WDFY4: variants seen among roughly 807,000 people sequenced by gnomAD.
WDFY4 encodes WD repeat- and FYVE domain-containing protein 4.
WDFY4 carries 169 observed loss-of-function variants against 351.9 expected under a neutral mutation model. That is an observed-to-expected ratio of 0.48 (90% CI 0.42 to 0.55). WDFY4 has a LOEUF of 0.55. Among genes scored for constraint, WDFY4 ranks in the 20% least tolerant of loss-of-function variants. WDFY4 has a pLI of 0.00. For synonymous variants in WDFY4, 1,622 were observed against 1,574.6 expected, an observed-to-expected ratio of 1.03 and a Z score of -0.71; for missense variants, 3,803 against 3,935.6, an observed-to-expected ratio of 0.97 and a Z score of 0.90.
intron 12 of WDFY4, among the ~76,000 whole-genome samples, chr10:48,757,581 G>A (rs545118413): frequency 6.6e-6 from 1 of 151,756 alleles, no homozygotes; most frequent in Admixed American, 6.6e-5. Flanking sequence ...AGTTTTTAAT[G>A]TGTTTGAATT....
rs140573476 is a variant in WDFY4 at position 48,860,621 on chromosome 10, G to C, written c.6664-6644G>C. Among the ~76,000 whole-genome samples, 710 of 152,244 alleles carry C rather than the reference G, an allele frequency of 4.7e-3. 4 individuals are homozygous for C. The highest frequency in any genetic ancestry group is 0.016 in the African/African-American group (671 of 41,528). Reference sequence around the variant, plus strand: ...GAATTTGGGGGAACACAAACATTCAGTTTATAATATAATTTTACTCTTTTG... The same window carrying C: ...GAATTTGGGGGAACACAAACATTCACTTTATAATATAATTTTACTCTTTTG... On this transcript the variant is annotated intron_variant, in intron 39 of 61. Coordinates refer to ENST00000325239, the MANE Select transcript of WDFY4 (RefSeq NM_001394531.1).
At chr10:48,865,126 T>C (rs1275505087) in intron 39 of WDFY4, among the ~76,000 whole-genome samples, 1 of 152,218 alleles carries the variant, frequency 6.6e-6, no homozygotes, top group Non-Finnish European at 1.5e-5. Flanking sequence ...GTGGACATCC[T>C]TGTCTTGTTC....
At chr10:48,900,403 C>T in intron 46 of WDFY4, 97 bp downstream of exon 46, 1 of 1,190,902 alleles carries the variant, frequency 8.4e-7, no homozygotes, top group Middle Eastern at 2.0e-4. Flanking sequence ...AAAGTGTTCT[C>T]AACCCACAGT....
rs774701511 is a variant in WDFY4, at chr10:48,832,721, C to A, written c.6663+12C>A. 2.0e-5 allele frequency: 30 copies of A among 1,512,440 alleles called. No homozygotes were observed. The highest frequency in any genetic ancestry group is 2.5e-5 in the Non-Finnish European group (28 of 1,124,886). The allele number at this position is 1,512,440 out of a possible 1,614,324, so 93.7% of individuals were successfully genotyped here. A position where few individuals can be genotyped will look rare whatever the true frequency, so the allele number is the denominator to read the frequency against. On this transcript the variant is annotated intron_variant, in intron 39 of 61. Transcript: ENST00000325239. ...AGTGCAAGACAGAGGTGAGCCCAGA[C>A]CCCTTTTCCTCAGAAAAGTATCAGG...
rs2066527944 is a variant in WDFY4, at chr10:48,787,950, T to TCTTCTTCTTCTC, written c.3809-569_3809-568insCCTTCTTCTTCT. On this transcript the variant is annotated intron_variant, in intron 20 of 61. Coordinates refer to ENST00000325239, the MANE Select transcript of WDFY4 (RefSeq NM_001394531.1). ...TTCTTCTTCTTCTTCTTCTTCTTCT[T>TCTTCTTCTTCTC]CTTCTTCTTCTTCTTCTTCTTCTTC... is the stretch of plus-strand genomic sequence containing the variant. Among the ~76,000 whole-genome samples the TCTTCTTCTTCTC allele has an allele frequency of 7.9e-5, 8 of 100,692 alleles. No individual in the cohort carries two copies. In the South Asian group the frequency reaches 3.1e-3, roughly 38 times the overall value. The allele number at this position is 100,692 out of a possible 152,430, so 66.1% of individuals were successfully genotyped here. A position where few individuals can be genotyped will look rare whatever the true frequency, so the allele number is the denominator to read the frequency against.
intron 31 of WDFY4, among the ~76,000 whole-genome samples, chr10:48,815,806 C>G (rs2067600317): frequency 6.6e-6 from 1 of 151,852 alleles, no homozygotes; most frequent in Non-Finnish European, 1.5e-5. Flanking sequence ...CTTTCAAAGA[C>G]CTCATTTAGT....
At chr10:48,936,991 C>G (rs1180916488) in intron 47 of WDFY4, among the ~76,000 whole-genome samples, 1 of 151,900 alleles carries the variant, frequency 6.6e-6, no homozygotes, top group East Asian at 1.9e-4. Context: ...ACGACCTCGG[C>G]TCACTGCAAA....
At chr10:48,781,485 G>A (rs1314617760) in intron 19 of WDFY4, among the ~76,000 whole-genome samples, 1 of 151,872 alleles carries the variant, frequency 6.6e-6, no homozygotes, top group Admixed American at 6.6e-5. Context: ...TAGTAGAGAC[G>A]GGGTTTCACC....
At chr10:48,760,298 A>G (rs1384551598) in intron 12 of WDFY4, 49 bp from the exon 13 acceptor site, 2 of 1,508,616 alleles carry the variant, frequency 1.3e-6, no homozygotes, top group African/African-American at 1.4e-5. Flanking sequence ...GAAAATAGAA[A>G]GAAACTGGAA....
intron 44 of WDFY4, 99 bp downstream of exon 44, chr10:48,890,826 G>T: frequency 6.7e-7 from 1 of 1,487,304 alleles, no homozygotes; most frequent in Non-Finnish European, 9.1e-7. Context: ...CTTACAGTGG[G>T]CTTAGATTTG....
intron 42 of WDFY4, among the ~76,000 whole-genome samples, chr10:48,875,738 C>T (rs1407904264): frequency 8.5e-5 from 13 of 152,204 alleles, no homozygotes. Context: ...TACTGCTGAT[C>T]AAACTTTTCT....
chr10:48,870,942 T>A (rs1281904742), intron 40 of WDFY4, among the ~76,000 whole-genome samples: 1 of 34,208 alleles, frequency 2.9e-5, no homozygotes, highest in Non-Finnish European at 5.4e-5. Flanking sequence ...ATATGCGTTC[T>A]TTTTTTTTTT....
intron 47 of WDFY4, among the ~76,000 whole-genome samples, chr10:48,941,246 G>A (rs1026611434): frequency 6.6e-6 from 1 of 152,150 alleles, no homozygotes; most frequent in African/African-American, 2.4e-5. Flanking sequence ...CCGGGTGTAC[G>A]ATGTGATCCC....
intron 39 of WDFY4, among the ~76,000 whole-genome samples, chr10:48,857,107 A>G (rs2069160499): frequency 6.6e-6 from 1 of 152,216 alleles, no homozygotes; most frequent in Non-Finnish European, 1.5e-5. Context: ...ATTTGTTCAG[A>G]TAAAAATGAT....
intron 33 of WDFY4, among the ~76,000 whole-genome samples, 186 bp from the exon 34 acceptor site, chr10:48,820,876 G>T (rs531256671): frequency 6.6e-6 from 1 of 152,274 alleles, no homozygotes; most frequent in African/African-American, 2.4e-5. Context: ...CTCGGAAGTG[G>T]GCGTTGCTTC....
At chr10:48,832,021 A>G (rs1483693072) in intron 38 of WDFY4, among the ~76,000 whole-genome samples, 1 of 152,268 alleles carries the variant, frequency 6.6e-6, no homozygotes, top group Non-Finnish European at 1.5e-5. Context: ...TTCAAACGAT[A>G]GCAATACCTG....
chr10:48,775,515 A>C (rs1483202788), intron 14 of WDFY4, among the ~76,000 whole-genome samples, 197 bp from the exon 15 acceptor site: 1 of 152,168 alleles, frequency 6.6e-6, no homozygotes, highest in Admixed American at 6.5e-5. Flanking sequence ...TGAGGCTCCT[A>C]AACTTACCAG....
At chr10:48,706,795 T>A (rs749088194) in intron 1 of WDFY4, among the ~76,000 whole-genome samples, 1 of 152,238 alleles carries the variant, frequency 6.6e-6, no homozygotes, top group African/African-American at 2.4e-5. Context: ...GGATTGTCAT[T>A]ACAGTATTTT....
intron 46 of WDFY4, among the ~76,000 whole-genome samples, chr10:48,901,285 A>C (rs7098403): frequency 0.092 from 14,059 of 152,322 alleles, 1,501 homozygotes; most frequent in African/African-American, 0.26. Flanking sequence ...AAACAAGCAG[A>C]CATACAACCC....
Sources: gnomAD v4.1 joint callset for allele counts (sites outside exome capture counted in the v4.1 genomes callset) on GRCh38, gnomAD v4.1.1 for gene constraint, MANE v1.5 for transcripts, NCBI Gene and HGNC (gene_info 2026-07-23, HGNC 2026-07-21) for gene names.